Variants in CREG1 observed in about 807,000 individuals in gnomAD.
CREG1 encodes protein CREG1.
CREG1 carries 20 observed loss-of-function variants against 19.9 expected under a neutral mutation model. The ratio of observed to expected loss-of-function variants is 1.01; its 90% CI spans 0.71 to 1.46. The LOEUF is 1.46. Among genes scored for constraint, CREG1 ranks in the 40% most tolerant of loss-of-function variants. CREG1 has a pLI of 0.00. For synonymous variants in CREG1, 141 were observed against 143.3 expected (o/e 0.98, Z 0.12); for missense variants, 290 against 314.9 (o/e 0.92, Z 0.60).
chr1:167,543,838 G>C (rs1362238092), intron 3 of CREG1, among the ~76,000 whole-genome samples: 1 of 152,218 alleles, frequency 6.6e-6, no homozygotes, highest in African/African-American at 2.4e-5. Context: ...TCTCTGTGCT[G>C]CAGAGAAGTG....
At chr1:167,543,798 C>T (rs1055502225) in intron 3 of CREG1, among the ~76,000 whole-genome samples, 2 of 151,062 alleles carry the variant, frequency 1.3e-5, no homozygotes, top group African/African-American at 2.4e-5. Flanking sequence ...GCCTTTGGGC[C>T]GCCTCTCAGG....
At position 167,548,120 on chromosome 1, in the gene CREG1, T is replaced by C. The variant is rs143114354; in HGVS notation, c.356A>G (p.Glu119Gly). Residue 119 changes from glutamate to glycine, a missense_variant and splice_region_variant, in exon 2 of 4, where the codon GAG becomes GGG. Glu to Gly is a moderately conservative substitution (Grantham distance 98). Transcript: ENST00000370509. ...PLQLSVSNLQ[E>G]NPYATLTMTL... ...CATGGTCAGTGTAGCATATGGATTC[T>C]CCTATAGAGAGAAAATGAAGATCCT... 48 of 1,590,938 alleles carry C rather than the reference T, an allele frequency of 3.0e-5. No homozygotes were observed. The Middle Eastern group carries it at 5.0e-4, about 17-fold the overall frequency.
At chr1:167,553,206 T>C (rs75417177) in intron 1 of CREG1, among the ~76,000 whole-genome samples, 182 bp downstream of exon 1, 3,010 of 152,316 alleles carry the variant, frequency 0.02, 55 homozygotes, top group South Asian at 0.084. Flanking sequence ...GGGAAATTCC[T>C]GGTACCCAGC....
At chr1:167,546,924 A>T (rs1163032801) in intron 2 of CREG1, among the ~76,000 whole-genome samples, 2 of 152,272 alleles carry the variant, frequency 1.3e-5, no homozygotes, top group Non-Finnish European at 2.9e-5. Context: ...AATGTTTAGC[A>T]TATTTATCCC....
At chr1:167,547,000 A>G (rs1270128047) in intron 2 of CREG1, among the ~76,000 whole-genome samples, 1 of 152,272 alleles carries the variant, frequency 6.6e-6, no homozygotes, top group Non-Finnish European at 1.5e-5. Flanking sequence ...GAAACCACAT[A>G]ACAGAACTCA....
At chr1:167,545,282 C>G (rs554012162) in intron 3 of CREG1, among the ~76,000 whole-genome samples, 10 of 152,248 alleles carry the variant, frequency 6.6e-5, no homozygotes, top group South Asian at 6.2e-4. Context: ...GGAGTCTCAA[C>G]CTGGTGTCCA....
chr1:167,543,553 G>A (rs557194739), intron 3 of CREG1, among the ~76,000 whole-genome samples: 1 of 152,352 alleles, frequency 6.6e-6, no homozygotes, highest in African/African-American at 2.4e-5. Flanking sequence ...TGAGGCCCCT[G>A]TGGGTGGTTC....
chr1:167,546,020 C>T lies in CREG1; in HGVS notation c.659+81G>A, dbSNP rs147768745. The T allele has an allele frequency of 5.6e-3, 6,944 of 1,235,810 alleles. 72 individuals are homozygous for T. Among genetic ancestry groups the T allele is most frequent in the South Asian group, 0.037 (2,280 of 61,878 alleles). 76.6% of individuals were successfully genotyped at this position (1,235,810 alleles called of 1,614,324 possible). On this transcript the variant is annotated intron_variant, in intron 3 of 3. Transcript: ENST00000370509. ...CCCAGGGTGTCCAGGGCACATGAAA[C>T]GGTTAAACCCCCCTTGCCTTAGAAG...
chr1:167,548,879 G>A (rs1017123025), intron 1 of CREG1, among the ~76,000 whole-genome samples: 26 of 152,178 alleles, frequency 1.7e-4, no homozygotes, highest in Admixed American at 6.5e-5. Context: ...TAGCCAAATA[G>A]TCACTGTCTA....
chr1:167,543,030 G>T (rs138157235), intron 3 of CREG1, among the ~76,000 whole-genome samples: 94 of 152,134 alleles, frequency 6.2e-4, no homozygotes, highest in African/African-American at 2.2e-3. Flanking sequence ...GGCAGATCAC[G>T]AGGTCAGGAG....
chr1:167,546,107 GTGACAT>G lies in CREG1; in HGVS notation c.647_652del (p.Asn216_Val217del). ...AAGATGTGTAAGTACTTACTGAACT[GTGACAT>G]TATAATATTCTTCTGGTGTCACGAT... On this transcript the variant is annotated inframe_deletion, in exon 3 of 4. Coordinates refer to ENST00000370509, the MANE Select transcript of CREG1 (RefSeq NM_003851.3). The G allele has an allele frequency of 6.2e-7, 1 of 1,600,132 alleles. No individual in the cohort carries two copies. Among genetic ancestry groups the G allele is most frequent in the Non-Finnish European group, 8.5e-7 (1 of 1,173,634 alleles).
intron 3 of CREG1, among the ~76,000 whole-genome samples, chr1:167,543,748 G>A (rs1289298425): frequency 2.0e-5 from 3 of 152,216 alleles, no homozygotes; most frequent in Non-Finnish European, 2.9e-5. Context: ...CCATCCCTCG[G>A]GTTCTGGTGC....
rs1224097413 is a variant in CREG1, at chr1:167,542,012, T to G, written c.*286A>C. 6.5e-6 allele frequency: 2 copies of G among 309,576 alleles called. No homozygotes were observed. Among genetic ancestry groups the G allele is most frequent in the Non-Finnish European group, 1.2e-5 (2 of 167,984 alleles). The allele number at this position is 309,576 out of a possible 1,614,324, so 19.2% of individuals were successfully genotyped here. ...CTTCAAGAGCACCACTGGAAACATC[T>G]TTGGAATTGATGGGACAAAACTTAT... On this transcript the variant is annotated 3_prime_UTR_variant, in exon 4 of 4. Coordinates refer to ENST00000370509, the MANE Select transcript of CREG1 (RefSeq NM_003851.3).
intron 3 of CREG1, among the ~76,000 whole-genome samples, chr1:167,545,694 G>T (rs1194798139): frequency 1.3e-5 from 2 of 151,956 alleles, no homozygotes; most frequent in African/African-American, 4.8e-5. Context: ...ATTCCCAGCT[G>T]CTTGGGAGGC....
At chr1:167,553,041 T>C (rs1450760872) in intron 1 of CREG1, among the ~76,000 whole-genome samples, 3 of 114,484 alleles carry the variant, frequency 2.6e-5, no homozygotes, top group African/African-American at 1.0e-4. Flanking sequence ...AGTGAGATTC[T>C]GTCTCAAAGG....
intron 3 of CREG1, among the ~76,000 whole-genome samples, chr1:167,544,347 G>GCTTTACTGTCAAGAA (rs140583314): frequency 0.19 from 28,529 of 151,766 alleles, 2,961 homozygotes; most frequent in East Asian, 0.31. Context: ...ACAAAACTGA[G>GCTTTACTGTCAAGAA]ATTTCCAATC....
intron 1 of CREG1, among the ~76,000 whole-genome samples, chr1:167,553,170 TG>T (rs1282355370): frequency 1.3e-5 from 2 of 152,084 alleles, no homozygotes; most frequent in African/African-American, 4.8e-5. Flanking sequence ...TTACCCCAGG[TG>T]CGTGGCCCAG....
chr1:167,546,930 A>G (rs886297120), intron 2 of CREG1, among the ~76,000 whole-genome samples: 1 of 152,264 alleles, frequency 6.6e-6, no homozygotes, highest in East Asian at 1.9e-4. Flanking sequence ...TAGCATATTT[A>G]TCCCATAACA....
chr1:167,546,034 T>A (rs1656313058), intron 3 of CREG1, 67 bp downstream of exon 3: 3 of 1,395,196 alleles, frequency 2.2e-6, no homozygotes, highest in Non-Finnish European at 2.9e-6. Flanking sequence ...TAAACCCCCC[T>A]TGCCTTAGAA....
Sources: gnomAD v4.1 joint callset for allele counts (sites outside exome capture counted in the v4.1 genomes callset) on GRCh38, gnomAD v4.1.1 for gene constraint, MANE v1.5 for transcripts, NCBI Gene and HGNC (gene_info 2026-07-23, HGNC 2026-07-21) for gene names.